SCLY: variants seen among roughly 807,000 people sequenced by gnomAD.
SCLY encodes the protein putative selenocysteine lyase.
A neutral mutation model predicts 50.1 loss-of-function variants in SCLY; 38 were observed. That is an observed-to-expected ratio of 0.76 (90% confidence interval 0.59 to 0.99). The LOEUF is 0.99. Ranked by LOEUF, SCLY falls within the 50% of genes least tolerant of loss-of-function variation. SCLY has a pLI of 0.00. For missense variants in SCLY, 600 were observed against 620.0 expected (o/e 0.97, Z 0.34); for synonymous variants, 243 against 249.4 (o/e 0.97, Z 0.24).
chr2:238,064,756 GTC>G lies in SCLY; in HGVS notation c.202+288_202+289del. On this transcript the variant is annotated intron_variant, in intron 2 of 11. Transcript: ENST00000254663. ...CTACTGAGAGTTCCTTGAAGTAGCA[GTC>G]AGTACCTGTGGAGCACTTCACAGAT... is the stretch of plus-strand genomic sequence containing the variant. 1.3e-5 allele frequency: 3 copies of G among 223,072 alleles called. No homozygotes were observed. The South Asian group carries it at 2.3e-4, about 17-fold the overall frequency. 13.8% of individuals were successfully genotyped at this position (223,072 alleles called of 1,614,324 possible).
Position 238,098,619 on chromosome 2 carries a change from G to GGACCGCCCACATA in SCLY, c.*265_*266insACCGCCCACATAG, listed in dbSNP as rs1691327746. On this transcript the variant is annotated 3_prime_UTR_variant, in exon 12 of 12. Transcript: ENST00000254663. ...ACCGCCCACATAGGACCGCCCACAT[G>GGACCGCCCACATA]GGACCGCCCACATGGGACCGCCCAC... The GGACCGCCCACATA allele has an allele frequency of 9.6e-5, 20 of 208,728 alleles. 1 individual carries two copies. Among genetic ancestry groups the GGACCGCCCACATA allele is most frequent in the Non-Finnish European group, 1.4e-4 (16 of 116,698 alleles). The allele number at this position is 208,728 out of a possible 1,614,324, so 12.9% of individuals were successfully genotyped here.
At chr2:238,061,356 T>C (rs1003903282) in intron 1 of SCLY, 3 of 696,726 alleles carry the variant, frequency 4.3e-6, no homozygotes, top group Admixed American at 4.1e-5. Context: ...AGAGGTGACT[T>C]TGGGGCCGAA....
At chr2:238,081,954 A>G in intron 5 of SCLY, 91 bp from the exon 6 acceptor site, 1 of 1,574,092 alleles carries the variant, frequency 6.4e-7, no homozygotes, top group Non-Finnish European at 8.7e-7. Flanking sequence ...CACTTTGATA[A>G]CATTTGGCCT....
At chr2:238,095,191 C>T (rs758275042) in intron 10 of SCLY, among the ~76,000 whole-genome samples, 6 of 152,130 alleles carry the variant, frequency 3.9e-5, no homozygotes, top group Non-Finnish European at 4.4e-5. Flanking sequence ...GTGAGTGAGA[C>T]TCTGTCTCAA....
chr2:238,077,500 C>A (rs1277692207), intron 4 of SCLY, among the ~76,000 whole-genome samples: 1 of 152,242 alleles, frequency 6.6e-6, no homozygotes, highest in African/African-American at 2.4e-5. Flanking sequence ...TATGATGCAA[C>A]ATGGTCTAGG....
chr2:238,071,334 C>T (rs1442858301), intron 4 of SCLY, among the ~76,000 whole-genome samples: 4 of 152,120 alleles, frequency 2.6e-5, no homozygotes, highest in African/African-American at 9.7e-5. Flanking sequence ...TGCCAGGGCA[C>T]GGTGGCTCAC....
At chr2:238,073,798 G>T in intron 4 of SCLY, 1 of 463,788 alleles carries the variant, frequency 2.2e-6, no homozygotes. Context: ...TCAATGTGAA[G>T]ATGATGAAGA....
chr2:238,089,648 AT>A (rs35551907), intron 7 of SCLY, among the ~76,000 whole-genome samples: 83,383 of 141,328 alleles, frequency 0.59, 24,641 homozygotes, highest in Non-Finnish European at 0.66. Context: ...TTTTTTTGCG[AT>A]TTTTTTTTTT....
chr2:238,081,695 T>C lies in SCLY; in HGVS notation c.485-14T>C, dbSNP rs200512983. 5.0e-6 allele frequency: 8 copies of C among 1,611,708 alleles called. No individual in the cohort carries two copies. Among genetic ancestry groups the C allele is most frequent in the South Asian group, 1.1e-5 (1 of 90,968 alleles). ...TTTGTGCAGCTCAGTTCGGTACTCA[T>C]GTTTGTTTCCCAGCGGTCACCTTTG... On this transcript the variant is annotated splice_polypyrimidine_tract_variant and intron_variant, in intron 4 of 11. Transcript: ENST00000254663.
chr2:238,091,546 T>TC, intron 8 of SCLY: 1 of 409,948 alleles, frequency 2.4e-6, no homozygotes, highest in Non-Finnish European at 4.6e-6. Flanking sequence ...AGCTGCAGGT[T>TC]CACCATTCCC....
chr2:238,081,764 C>G lies in SCLY; in HGVS notation c.540C>G (p.Ile180Met). 2 of 1,614,204 alleles carry G rather than the reference C, an allele frequency of 1.2e-6. No individual in the cohort carries two copies. Among genetic ancestry groups the G allele is most frequent in the Non-Finnish European group, 1.7e-6 (2 of 1,180,040 alleles). Residue 180 changes from isoleucine (I) to methionine (M), a missense_variant, in exon 5 of 12, where the codon ATC becomes ATG. Ile to Met is a conservative substitution (Grantham distance 10). Coordinates refer to ENST00000254663, the MANE Select transcript of SCLY (RefSeq NM_016510.7). ...GCGGGCAGGCAGAGGTGGACGACAT[C>G]CTCGCGGCAGTCCGCCCGACCACAC... ...KVSGQAEVDD[I>M]LAAVRPTTRL...
At chr2:238,096,483 CG>C (rs2065437753) in intron 10 of SCLY, among the ~76,000 whole-genome samples, 1 of 152,220 alleles carries the variant, frequency 6.6e-6, no homozygotes, top group Non-Finnish European at 1.5e-5. Flanking sequence ...GTGATATTGC[CG>C]GGGCTGCCAG....
intron 9 of SCLY, 139 bp from the exon 10 acceptor site, chr2:238,094,281 C>A: frequency 1.3e-6 from 1 of 742,686 alleles, no homozygotes. Flanking sequence ...TAGTCCGTCC[C>A]CGTAACTATT....
Position 238,061,123 on chromosome 2 carries a change from G to T in SCLY, c.69G>T (p.Gly23=). 6.9e-7 allele frequency: 1 copy of T among 1,459,172 alleles called. No homozygotes were observed. The highest frequency in any genetic ancestry group is 1.3e-5 in the South Asian group (1 of 74,724). 90.4% of individuals were successfully genotyped at this position (1,459,172 alleles called of 1,614,324 possible). Residue 23 remains glycine, a synonymous_variant, in exon 1 of 12, where the codon GGG becomes GGT. Transcript: ENST00000254663. The part of the protein sequence containing the change: ...APAASQPSGC[G]KHNSPERKVY... ...CGGCGAGTCAGCCCAGCGGCTGCGG[G>T]AAACACAACTCGCCGGAGAGGTGCG...
chr2:238,098,731 C>T lies in SCLY; in HGVS notation c.*376C>T. 1 of 302,684 alleles carries T rather than the reference C, an allele frequency of 3.3e-6. No individual in the cohort carries two copies. Among genetic ancestry groups the T allele is most frequent in the Non-Finnish European group, 6.0e-6 (1 of 167,834 alleles). The allele number at this position is 302,684 out of a possible 1,614,324, so 18.7% of individuals were successfully genotyped here. ...CCCTCCCCACTGGGAACTGGGCACG[C>T]CTGTTGTGAGTGCCCTTTCCTGGAA... is the stretch of plus-strand genomic sequence containing the variant. On this transcript the variant is annotated 3_prime_UTR_variant, in exon 12 of 12. Transcript: ENST00000254663.
intron 4 of SCLY, chr2:238,073,963 C>T (rs368763630): frequency 1.7e-4 from 49 of 285,954 alleles, no homozygotes; most frequent in East Asian, 6.8e-4. Context: ...CAACTGCTTA[C>T]GTTATCAGTA....
chr2:238,071,503 G>A (rs935845156), intron 4 of SCLY, among the ~76,000 whole-genome samples: 2 of 152,068 alleles, frequency 1.3e-5, no homozygotes, highest in African/African-American at 4.8e-5. Flanking sequence ...CGGCTACTCG[G>A]GAGGCTAAGG....
chr2:238,099,013 T>A lies in SCLY; in HGVS notation c.*658T>A. 3.0e-6 allele frequency: 1 copy of A among 334,794 alleles called. No homozygotes were observed. The highest frequency in any genetic ancestry group is 2.4e-5 in the South Asian group (1 of 40,950). 20.7% of individuals were successfully genotyped at this position (334,794 alleles called of 1,614,324 possible). ...CTCAGCGCCCACCGCCCACCACCCCTCCTGCTTCCCCGAGCCTGACCCTGT... is the reference window on the plus strand; with the variant it reads ...CTCAGCGCCCACCGCCCACCACCCCACCTGCTTCCCCGAGCCTGACCCTGT... On this transcript the variant is annotated 3_prime_UTR_variant, in exon 12 of 12. Coordinates refer to ENST00000254663, the MANE Select transcript of SCLY (RefSeq NM_016510.7).
chr2:238,087,915 TG>T (rs2065315395), intron 7 of SCLY, among the ~76,000 whole-genome samples: 1 of 151,992 alleles, frequency 6.6e-6, no homozygotes. Flanking sequence ...GGCACCATAG[TG>T]AGACCCCTCT....
Sources: gnomAD v4.1 joint callset for allele counts (sites outside exome capture counted in the v4.1 genomes callset) on GRCh38, gnomAD v4.1.1 for gene constraint, MANE v1.5 for transcripts, NCBI Gene and HGNC (gene_info 2026-07-23, HGNC 2026-07-21) for gene names.